Variants in WRNIP1 observed in about 807,000 individuals in gnomAD.
WRNIP1 encodes the protein WRN helicase interacting protein 1, also known as ATPase WRNIP1.
Under a neutral mutation model 56.1 loss-of-function variants are expected in WRNIP1, and 41 were observed. That is an observed-to-expected ratio of 0.73 (90% confidence interval 0.57 to 0.95). The LOEUF (loss-of-function observed/expected upper bound fraction) is 0.95. Among genes scored for constraint, WRNIP1 ranks in the 40% least tolerant of loss-of-function variants. The pLI, the probability that WRNIP1 is intolerant of heterozygous loss-of-function variation, is 0.00. For synonymous variants in WRNIP1, 547 were observed against 398.1 expected (o/e 1.37, Z -4.45); for missense variants, 1,170 against 939.4 (o/e 1.25, Z -3.21).
Position 2,785,440 on chromosome 6 carries a change from C to T in WRNIP1, c.*158C>T, listed in dbSNP as rs539720221. The T allele has an allele frequency of 1.2e-4, 90 of 746,370 alleles. No homozygotes were observed. The African/African-American group carries it at 1.5e-3, about 12-fold the overall frequency. 46.2% of individuals were successfully genotyped at this position (746,370 alleles called of 1,614,324 possible). On this transcript the variant is annotated 3_prime_UTR_variant, in exon 7 of 7. Coordinates refer to ENST00000380773, the MANE Select transcript of WRNIP1 (RefSeq NM_020135.3). The stretch of plus-strand genomic sequence containing the variant: ...TCCATAGGTGGAGGCGCAGTTCTTT[C>T]GAATAAATGTGTAACTTTGAAATTG...
At chr6:2,767,867 C>G (rs1765094347) in intron 1 of WRNIP1, among the ~76,000 whole-genome samples, 2 of 152,142 alleles carry the variant, frequency 1.3e-5, no homozygotes, top group Admixed American at 1.3e-4. Flanking sequence ...GAGCCTGATT[C>G]CAAAAGGCAG....
At chr6:2,772,559 AG>A (rs1233078160) in intron 3 of WRNIP1, among the ~76,000 whole-genome samples, 1 of 152,192 alleles carries the variant, frequency 6.6e-6, no homozygotes, top group African/African-American at 2.4e-5. Context: ...ATAATTACCC[AG>A]GTATCAAGAG....
chr6:2,770,058 A>T (rs927198446), intron 2 of WRNIP1, 62 bp from the exon 3 acceptor site: 4 of 1,604,026 alleles, frequency 2.5e-6, no homozygotes, highest in Non-Finnish European at 3.4e-6. Flanking sequence ...GCCAACTTAC[A>T]TAGGATTCTG....
At position 2,765,394 on chromosome 6, in the gene WRNIP1, CA is replaced by C; in HGVS notation, c.-228del. 2.6e-6 allele frequency: 1 copy of C among 391,822 alleles called. No homozygotes were observed. The highest frequency in any genetic ancestry group is 4.1e-6 in the Non-Finnish European group (1 of 241,780). The allele number at this position is 391,822 out of a possible 1,614,324, so 24.3% of individuals were successfully genotyped here. On this transcript the variant is annotated 5_prime_UTR_variant, in exon 1 of 7. Transcript: ENST00000380773. ...CGCCGGGGCAAACGGCCACGAACTA[CA>C]CTTCCCGACACGCCGCGTGAGGCGC... is the stretch of plus-strand genomic sequence containing the variant.
At position 2,766,171 on chromosome 6, in the gene WRNIP1, G is replaced by C; in HGVS notation, c.549G>C (p.Glu183Asp). 7.4e-7 allele frequency: 1 copy of C among 1,344,112 alleles called. No homozygotes were observed. Among genetic ancestry groups the C allele is most frequent in the East Asian group, 3.1e-5 (1 of 32,608 alleles). 83.3% of individuals were successfully genotyped at this position (1,344,112 alleles called of 1,614,324 possible). A position where few individuals can be genotyped will look rare whatever the true frequency, so the allele number is the denominator to read the frequency against. The change falls in exon 1 of 7, where the codon GAG (glutamate) becomes GAC (aspartate). Residue 183 changes from glutamate (E) to aspartate (D), a missense_variant. Physicochemically the swap from Glu to Asp is conservative, Grantham distance 45. Transcript: ENST00000380773. ...ACGGGGACGCGGACGCGGACGGCGA[G>C]GACGACCCGGGGCACTGGGACGCGG... ...DGDGDADADG[E>D]DDPGHWDADA...
In WRNIP1 at chr6:2,783,520, A is replaced by C. The variant is rs757837949; in HGVS notation, c.1601A>C (p.Tyr534Ser). The C allele has an allele frequency of 6.2e-7, 1 of 1,612,800 alleles. No homozygotes were observed. Residue 534 changes from tyrosine to serine, a missense_variant, in exon 5 of 7, where the codon TAC becomes TCC. Transcript: ENST00000380773. ...RMLEGGEDPL[Y>S]VARRLVRFAS... is the part of the protein sequence containing the mutation. ...CTCGAGGGAGGAGAGGACCCACTCT[A>C]CGTGGCACGGAGGCTTGTCAGGTTT...
intron 2 of WRNIP1, among the ~76,000 whole-genome samples, chr6:2,769,841 T>A (rs1021121588): frequency 6.6e-6 from 1 of 152,168 alleles, no homozygotes; most frequent in African/African-American, 2.4e-5. Flanking sequence ...AAGAAATCAT[T>A]TATGTTGAAA....
In WRNIP1 at chr6:2,784,311, C is replaced by T. The variant is rs375950785; in HGVS notation, c.1643-13C>T. On this transcript the variant is annotated splice_polypyrimidine_tract_variant and intron_variant, in intron 5 of 6. Coordinates refer to ENST00000380773, the MANE Select transcript of WRNIP1 (RefSeq NM_020135.3). ...TCATGACTGAAACTCTCCTTTGTCT[C>T]TGTGTGTGGCAGGTCTGGCAGACCC... The T allele has an allele frequency of 3.8e-5, 61 of 1,611,602 alleles. No homozygotes were observed. The African/African-American group carries it at 7.1e-4, about 19-fold the overall frequency.
intron 2 of WRNIP1, 39 bp from the exon 3 acceptor site, chr6:2,770,081 G>A (rs775144914): frequency 3.1e-6 from 5 of 1,611,362 alleles, no homozygotes; most frequent in Non-Finnish European, 4.2e-6. Flanking sequence ...GGTGGCTGTT[G>A]ACTGGAATCA....
At chr6:2,778,592 A>G (rs75172653) in intron 3 of WRNIP1, among the ~76,000 whole-genome samples, 2 of 152,296 alleles carry the variant, frequency 1.3e-5, no homozygotes, top group South Asian at 4.1e-4. Context: ...TCCCAGGCTA[A>G]TGACCTCTCT....
At chr6:2,774,539 A>G (rs1765387843) in intron 3 of WRNIP1, among the ~76,000 whole-genome samples, 1 of 152,182 alleles carries the variant, frequency 6.6e-6, no homozygotes. Context: ...CATTGGATTT[A>G]AGGTACACTC....
chr6:2,771,226 A>G (rs144288437), intron 3 of WRNIP1, among the ~76,000 whole-genome samples: 43 of 152,218 alleles, frequency 2.8e-4, no homozygotes, highest in Non-Finnish European at 6.0e-4. Flanking sequence ...GGATTAAAGT[A>G]CAAGGCATAG....
rs1765144784 is a variant in WRNIP1 at position 2,768,749 on chromosome 6, C to T, written c.881C>T (p.Thr294Ile). 3 of 1,613,780 alleles carry T rather than the reference C, an allele frequency of 1.9e-6. No homozygotes were observed. The highest frequency in any genetic ancestry group is 2.2e-5 in the East Asian group (1 of 44,884). The change falls in exon 2 of 7, where the codon ACA becomes ATA. Residue 294 changes from threonine (T) to isoleucine (I), a missense_variant. Coordinates refer to ENST00000380773, the MANE Select transcript of WRNIP1 (RefSeq NM_020135.3). ...NSKKHSIRFV[T>I]LSATNAKTND... ...AAGAAACATAGCATAAGGTTTGTGA[C>T]ATTATCTGCAACAAATGCCAAGACA... is the stretch of plus-strand genomic sequence containing the variant.
At position 2,766,071 on chromosome 6, in the gene WRNIP1, G is replaced by T. The variant is rs542599099; in HGVS notation, c.449G>T (p.Gly150Val). The change falls in exon 1 of 7, where the codon GGG (glycine) becomes GTG (valine). Residue 150 changes from glycine to valine, a missense_variant. Coordinates refer to ENST00000380773, the MANE Select transcript of WRNIP1 (RefSeq NM_020135.3). Reference sequence around the variant, plus strand: ...AGGCCGGCGGCCGCCGCCGCGGCGGGGAGCGCGTCTCCGCGCAGCTGGGAC... The same window carrying T: ...AGGCCGGCGGCCGCCGCCGCGGCGGTGAGCGCGTCTCCGCGCAGCTGGGAC... ...GKRPAAAAAA[G>V]SASPRSWDEA... 3.2e-5 allele frequency: 41 copies of T among 1,296,316 alleles called. No homozygotes were observed. In the Admixed American group the frequency reaches 1.4e-3, roughly 44 times the overall value. 80.3% of individuals were successfully genotyped at this position (1,296,316 alleles called of 1,614,324 possible).
intron 2 of WRNIP1, 80 bp downstream of exon 2, chr6:2,768,962 A>G (rs1765159863): frequency 7.2e-7 from 1 of 1,391,764 alleles, no homozygotes; most frequent in South Asian, 1.5e-5. Flanking sequence ...TACAAACGCT[A>G]GAGACTTACG....
intron 5 of WRNIP1, 71 bp from the exon 6 acceptor site, chr6:2,784,253 T>A: frequency 6.9e-7 from 1 of 1,452,540 alleles, no homozygotes; most frequent in Non-Finnish European, 9.5e-7. Flanking sequence ...TGGTCTGTGG[T>A]CGCCTGCACA....
intron 3 of WRNIP1, among the ~76,000 whole-genome samples, chr6:2,777,966 G>T (rs964444966): frequency 2.0e-5 from 3 of 152,200 alleles, no homozygotes; most frequent in African/African-American, 7.2e-5. Context: ...TGTGGTGAGA[G>T]ACCCACAAGG....
chr6:2,783,672 G>GGCGCC, intron 5 of WRNIP1, 111 bp downstream of exon 5: 1 of 314,200 alleles, frequency 3.2e-6, no homozygotes, highest in Non-Finnish European at 6.0e-6. Context: ...GGGTGGGCGG[G>GGCGCC]GGTAGCAGGA....
chr6:2,770,035 G>T (rs1289569901), intron 2 of WRNIP1, 85 bp from the exon 3 acceptor site: 3 of 1,566,966 alleles, frequency 1.9e-6, no homozygotes, highest in African/African-American at 2.7e-5. Context: ...TGAGGAAAAG[G>T]AAGGAAGGGA....
Sources: allele counts gnomAD v4.1 joint callset (sites outside exome capture counted in the v4.1 genomes callset), GRCh38; gene constraint gnomAD v4.1.1; transcripts MANE v1.5; gene names NCBI Gene and HGNC (gene_info 2026-07-23, HGNC 2026-07-21).